NPLOC4: variants seen among roughly 807,000 people sequenced by gnomAD.
NPLOC4 encodes the protein nuclear protein localization protein 4 homolog.
Under a neutral mutation model 80.6 loss-of-function variants are expected in NPLOC4, and 18 were observed. The observed-to-expected ratio is 0.22, with a 90% confidence interval of 0.15 to 0.33. NPLOC4 has a LOEUF of 0.33. Ranked by LOEUF, NPLOC4 falls within the 10% of genes least tolerant of loss-of-function variation. NPLOC4 has a pLI of 1.00. For missense variants in NPLOC4, 540 were observed against 786.1 expected (o/e 0.69, Z 3.74); for synonymous variants, 313 against 301.5 (o/e 1.04, Z -0.39).
chr17:81,597,627 A>C (rs531970421), intron 9 of NPLOC4, among the ~76,000 whole-genome samples: 2 of 152,090 alleles, frequency 1.3e-5, no homozygotes, highest in African/African-American at 2.4e-5. Context: ...TCTACTAAAA[A>C]TACAAAATTA....
At chr17:81,588,888 A>T in intron 12 of NPLOC4, 56 bp downstream of exon 12, 6 of 1,520,232 alleles carry the variant, frequency 3.9e-6, no homozygotes, top group Middle Eastern at 1.8e-4. Flanking sequence ...GAAAGGTCCA[A>T]GACAGGTTCA....
intron 12 of NPLOC4, among the ~76,000 whole-genome samples, chr17:81,586,317 G>A (rs1423754325): frequency 6.6e-6 from 1 of 151,942 alleles, no homozygotes; most frequent in Non-Finnish European, 1.5e-5. Context: ...AGCTGGGTGT[G>A]GTGTAATCCC....
At chr17:81,622,571 C>T (rs947737331) in intron 2 of NPLOC4, among the ~76,000 whole-genome samples, 8 of 152,176 alleles carry the variant, frequency 5.3e-5, no homozygotes, top group African/African-American at 1.9e-4. Flanking sequence ...GTTTTGTTTT[C>T]AGACAGTCTC....
intron 3 of NPLOC4, among the ~76,000 whole-genome samples, chr17:81,618,725 C>T (rs1312800170): frequency 1.3e-5 from 2 of 151,512 alleles, no homozygotes; most frequent in South Asian, 2.1e-4. Flanking sequence ...TCATTGAGAA[C>T]GGGCCATGAT....
At chr17:81,617,789 C>T (rs2035541442) in intron 3 of NPLOC4, among the ~76,000 whole-genome samples, 2 of 152,206 alleles carry the variant, frequency 1.3e-5, no homozygotes, top group Middle Eastern at 3.4e-3. Context: ...CTGCCGAGTG[C>T]CTGCGATTGC....
chr17:81,623,658 C>T (rs1238263233), intron 2 of NPLOC4, among the ~76,000 whole-genome samples: 1 of 151,526 alleles, frequency 6.6e-6, no homozygotes, highest in Non-Finnish European at 1.5e-5. Context: ...ATTAGCCGGG[C>T]GTGGTGGTGG....
intron 12 of NPLOC4, 145 bp downstream of exon 12, chr17:81,588,798 CG>C (rs759084974): frequency 1.5e-6 from 1 of 653,460 alleles, no homozygotes; most frequent in Non-Finnish European, 2.6e-6. Context: ...GCCCCAGAAA[CG>C]TGACAGAAGC....
intron 16 of NPLOC4, among the ~76,000 whole-genome samples, chr17:81,560,136 G>A (rs1394435818): frequency 6.6e-6 from 1 of 152,072 alleles, no homozygotes; most frequent in Non-Finnish European, 1.5e-5. Flanking sequence ...CAAAGAGTGA[G>A]GCTGGGTGCA....
At chr17:81,583,926 TA>T (rs1398655791) in intron 12 of NPLOC4, among the ~76,000 whole-genome samples, 5 of 152,262 alleles carry the variant, frequency 3.3e-5, no homozygotes, top group Non-Finnish European at 7.3e-5. Flanking sequence ...GATGCATTTT[TA>T]ATTTTGCTTT....
intron 3 of NPLOC4, among the ~76,000 whole-genome samples, chr17:81,616,686 T>A (rs1347094752): frequency 4.7e-5 from 7 of 148,718 alleles, no homozygotes; most frequent in Non-Finnish European, 1.5e-5. Context: ...GCCAAGATGG[T>A]GCCACTGCCC....
At chr17:81,571,969 G>C in intron 13 of NPLOC4, 48 bp downstream of exon 13, 3 of 1,435,998 alleles carry the variant, frequency 2.1e-6, no homozygotes, top group Non-Finnish European at 2.9e-6. Flanking sequence ...CCACCTACAA[G>C]GCGCCCAATG....
In NPLOC4 at chr17:81,628,177, T is replaced by C. The variant is rs542784898; in HGVS notation, c.96+1548A>G. Among the ~76,000 whole-genome samples the C allele has an allele frequency of 2.3e-3, 341 of 147,310 alleles. 5 individuals are homozygous for C. Among genetic ancestry groups the C allele is most frequent in the African/African-American group, 7.8e-3 (311 of 39,736 alleles). On this transcript the variant is annotated intron_variant, in intron 2 of 16. Transcript: ENST00000331134. The stretch of plus-strand genomic sequence containing the variant: ...AGTGAGCCAAGATCATGCCACTGCA[T>C]TCCAGCCTTGGAGACAGAGCGAGAC...
At chr17:81,575,371 G>GA (rs902476442) in intron 12 of NPLOC4, among the ~76,000 whole-genome samples, 34 of 152,332 alleles carry the variant, frequency 2.2e-4, no homozygotes, top group Admixed American at 9.1e-4. Flanking sequence ...AAAGTGCTGG[G>GA]ACTACAGGCG....
At chr17:81,616,333 A>AAAAAAAAAGTAAC (rs780878214) in intron 3 of NPLOC4, among the ~76,000 whole-genome samples, 2 of 115,636 alleles carry the variant, frequency 1.7e-5, no homozygotes, top group Non-Finnish European at 1.7e-5. Flanking sequence ...AAAAAAAAAA[A>AAAAAAAAAGTAAC]AAAAAGAAAA....
intron 2 of NPLOC4, among the ~76,000 whole-genome samples, chr17:81,625,674 T>C (rs1331562343): frequency 6.6e-6 from 1 of 151,882 alleles, no homozygotes; most frequent in Non-Finnish European, 1.5e-5. Flanking sequence ...AAGGCTACAA[T>C]GAGATATGAT....
Position 81,600,404 on chromosome 17 carries a change from C to T in NPLOC4, c.858G>A (p.Glu286=). Residue 286 remains glutamate, a synonymous_variant, in exon 9 of 17, where the codon GAG becomes GAA. Transcript: ENST00000331134. ...CTTCAGCTTTTGGATCCTCAAGAAGCTCCAAGCTGTTCTGTGTACCAATCT... is the reference window on the plus strand; with the variant it reads ...CTTCAGCTTTTGGATCCTCAAGAAGTTCCAAGCTGTTCTGTGTACCAATCT... The part of the protein sequence containing the change: ...PPQIGTQNSL[E]LLEDPKAEVV... 1 of 1,612,672 alleles carries T rather than the reference C, an allele frequency of 6.2e-7. No homozygotes were observed. The highest frequency in any genetic ancestry group is 2.2e-5 in the East Asian group (1 of 44,854).
chr17:81,622,128 TCCC>T (rs1410365322), intron 3 of NPLOC4, 35 bp downstream of exon 3: 3 of 1,461,990 alleles, frequency 2.1e-6, no homozygotes, highest in Non-Finnish European at 1.9e-6. Flanking sequence ...GGACCTCATT[TCCC>T]CCCATTCCCT....
In NPLOC4 at chr17:81,567,584, G is replaced by A; in HGVS notation, c.1450-51C>T. On this transcript the variant is annotated intron_variant, in intron 14 of 16. Transcript: ENST00000331134. This position sits in a 1 kb window ranked among gnomAD's most constrained non-coding sequence, Gnocchi z 4.5. Reference sequence around the variant, plus strand: ...TGTTCCATACAGTTCCCCAGTGCCAGACCCCGAAACAGAGCTGTTTCCTAC... The same window carrying A: ...TGTTCCATACAGTTCCCCAGTGCCAAACCCCGAAACAGAGCTGTTTCCTAC... 8.7e-7 allele frequency: 1 copy of A among 1,145,458 alleles called. No individual in the cohort carries two copies. Among genetic ancestry groups the A allele is most frequent in the South Asian group, 1.3e-5 (1 of 76,158 alleles). The allele number at this position is 1,145,458 out of a possible 1,614,324, so 71.0% of individuals were successfully genotyped here. A position where few individuals can be genotyped will look rare whatever the true frequency, so the allele number is the denominator to read the frequency against.
At chr17:81,600,478 G>T in intron 8 of NPLOC4, 51 bp from the exon 9 acceptor site, 1 of 1,432,856 alleles carries the variant, frequency 7.0e-7, no homozygotes, top group South Asian at 1.2e-5. Flanking sequence ...GGCTCAGGAA[G>T]CAGCACCCCA....
Sources: allele counts gnomAD v4.1 joint callset (sites outside exome capture counted in the v4.1 genomes callset), GRCh38; gene constraint gnomAD v4.1.1; non-coding constraint Gnocchi (gnomAD v3.1); transcripts MANE v1.5; gene names NCBI Gene and HGNC (gene_info 2026-07-23, HGNC 2026-07-21).